The following CTNNBL1 variants were observed in gnomAD, a reference collection of about 807,000 sequenced individuals.
CTNNBL1 encodes the protein catenin beta like 1, also known as beta-catenin-like protein 1.
A neutral mutation model predicts 72.7 loss-of-function variants in CTNNBL1; 31 were observed. That is an observed-to-expected ratio of 0.43 (90% confidence interval 0.32 to 0.58). The LOEUF is 0.58. Ranked by LOEUF, CTNNBL1 falls within the 20% of genes least tolerant of loss-of-function variation. CTNNBL1 has a pLI of 0.08. For missense variants in CTNNBL1, 534 were observed against 725.1 expected (o/e 0.74, Z 3.03); for synonymous variants, 240 against 267.3 (o/e 0.90, Z 1.00).
At chr20:37,709,062 G>T (rs2072914663) in intron 1 of CTNNBL1, among the ~76,000 whole-genome samples, 1 of 152,082 alleles carries the variant, frequency 6.6e-6, no homozygotes, top group Non-Finnish European at 1.5e-5. Context: ...GCTTGAACCT[G>T]GGAGGTGGAG....
chr20:37,789,305 T>G (rs1263235709), intron 10 of CTNNBL1, among the ~76,000 whole-genome samples: 2 of 152,166 alleles, frequency 1.3e-5, no homozygotes, highest in Admixed American at 1.3e-4. Context: ...CTTCTTTCAG[T>G]TGGATAGTCA....
intron 13 of CTNNBL1, among the ~76,000 whole-genome samples, chr20:37,850,904 T>C (rs2072390734): frequency 6.6e-6 from 1 of 152,214 alleles, no homozygotes; most frequent in South Asian, 2.1e-4. Flanking sequence ...CTGTCTCCTT[T>C]TATCAGCAAG....
At chr20:37,730,148 T>C (rs886853379) in intron 1 of CTNNBL1, among the ~76,000 whole-genome samples, 4 of 152,182 alleles carry the variant, frequency 2.6e-5, no homozygotes, top group African/African-American at 4.8e-5. Flanking sequence ...AGAGTACTGT[T>C]CAATACAAGT....
intron 11 of CTNNBL1, among the ~76,000 whole-genome samples, chr20:37,808,642 T>C (rs1193763734): frequency 6.6e-6 from 1 of 152,172 alleles, no homozygotes; most frequent in Admixed American, 6.5e-5. Flanking sequence ...AGATTGGCAG[T>C]GTCTTCCCCT....
chr20:37,793,747 T>G (rs1166744676), intron 10 of CTNNBL1, among the ~76,000 whole-genome samples: 1 of 152,220 alleles, frequency 6.6e-6, no homozygotes, highest in African/African-American at 2.4e-5. Context: ...TATACATTGT[T>G]GTTTTTGTTT....
chr20:37,842,469 G>T (rs958835510), intron 13 of CTNNBL1, 50 bp downstream of exon 13: 2 of 1,328,910 alleles, frequency 1.5e-6, no homozygotes, highest in East Asian at 2.3e-5. Context: ...CCCTCCGTTT[G>T]GGTCCCTTGT....
Position 37,842,377 on chromosome 20 carries a change from T to A in CTNNBL1, c.1350T>A (p.Gly450=). Reference sequence around the variant, plus strand: ...TGGAGTTGCATTTTAAATATCTGGGTGCAATGCAGGTGGCGGACAAGAAGA... The same window carrying A: ...TGGAGTTGCATTTTAAATATCTGGGAGCAATGCAGGTGGCGGACAAGAAGA... The part of the protein sequence containing the change: ...RLMELHFKYL[G]AMQVADKKIE... Residue 450 remains glycine (G), a synonymous_variant, in exon 13 of 16, where the codon GGT becomes GGA. Transcript: ENST00000361383. 1 of 1,613,964 alleles carries A rather than the reference T, an allele frequency of 6.2e-7. No individual in the cohort carries two copies. Among genetic ancestry groups the A allele is most frequent in the Non-Finnish European group, 8.5e-7 (1 of 1,179,832 alleles).
chr20:37,853,863 T>G (rs925483730), intron 13 of CTNNBL1, among the ~76,000 whole-genome samples: 3 of 152,218 alleles, frequency 2.0e-5, no homozygotes, highest in Admixed American at 1.3e-4. Flanking sequence ...TGCCACAGAG[T>G]TGTAACAGGC....
At chr20:37,793,028 A>G (rs2073739253) in intron 10 of CTNNBL1, among the ~76,000 whole-genome samples, 1 of 152,208 alleles carries the variant, frequency 6.6e-6, no homozygotes, top group African/African-American at 2.4e-5. Context: ...AGCCTTTCAA[A>G]ATTTATTAAG....
intron 1 of CTNNBL1, among the ~76,000 whole-genome samples, chr20:37,720,041 T>C (rs572514556): frequency 2.0e-5 from 3 of 152,036 alleles, no homozygotes; most frequent in East Asian, 3.9e-4. Context: ...TATTTATTTA[T>C]TTTTGAGACA....
In CTNNBL1 at chr20:37,780,174, A is replaced by G. The variant is rs531972298; in HGVS notation, c.1031+839A>G. Among the ~76,000 whole-genome samples the G allele has an allele frequency of 5.9e-5, 9 of 152,102 alleles. No homozygotes were observed. The South Asian group carries it at 1.9e-3, about 32-fold the overall frequency. On this transcript the variant is annotated intron_variant, in intron 10 of 15. Coordinates refer to ENST00000361383, the MANE Select transcript of CTNNBL1 (RefSeq NM_030877.5). ...TTTAAAAAAAAAAAAAACAAGAAAA[A>G]AAGAAATGGAGCCAGAGTCTGCTGT...
chr20:37,756,751 C>T (rs1442311133), intron 4 of CTNNBL1, among the ~76,000 whole-genome samples: 1 of 151,524 alleles, frequency 6.6e-6, no homozygotes, highest in Non-Finnish European at 1.5e-5. Context: ...AAGCCTCCCA[C>T]CTTAGCCTCC....
intron 7 of CTNNBL1, among the ~76,000 whole-genome samples, chr20:37,769,495 A>G (rs1251163410): frequency 6.6e-6 from 1 of 152,108 alleles, no homozygotes; most frequent in African/African-American, 2.4e-5. Context: ...AGCCATTTGT[A>G]TTCATGTCTT....
chr20:37,795,630 T>G (rs569833453), intron 10 of CTNNBL1, among the ~76,000 whole-genome samples: 2 of 152,354 alleles, frequency 1.3e-5, no homozygotes, highest in East Asian at 3.9e-4. Context: ...GTTAATCTCA[T>G]CTACTGTATT....
intron 13 of CTNNBL1, among the ~76,000 whole-genome samples, chr20:37,844,149 G>A (rs2072327792): frequency 6.6e-6 from 1 of 152,120 alleles, no homozygotes; most frequent in Non-Finnish European, 1.5e-5. Flanking sequence ...CTGGACTTTT[G>A]TAAGGAAAAA....
At chr20:37,854,259 A>G (rs1483884109) in intron 13 of CTNNBL1, among the ~76,000 whole-genome samples, 2 of 152,216 alleles carry the variant, frequency 1.3e-5, no homozygotes, top group African/African-American at 4.8e-5. Flanking sequence ...AGAAGATCAG[A>G]TGATGGAGAA....
intron 15 of CTNNBL1, among the ~76,000 whole-genome samples, chr20:37,870,592 C>T (rs577576991): frequency 3.3e-5 from 5 of 152,218 alleles, no homozygotes; most frequent in Non-Finnish European, 7.3e-5. Flanking sequence ...GTCGCCTCAC[C>T]TCCACCGCTA....
At chr20:37,709,294 A>G (rs1374692068) in intron 1 of CTNNBL1, among the ~76,000 whole-genome samples, 1 of 152,190 alleles carries the variant, frequency 6.6e-6, no homozygotes. Context: ...CATGTTTGGC[A>G]TTATTCATGT....
intron 3 of CTNNBL1, among the ~76,000 whole-genome samples, chr20:37,742,322 A>G (rs1461904160): frequency 1.3e-5 from 2 of 152,122 alleles, no homozygotes. Context: ...CTGTGCCCCC[A>G]TTTACAGGCA....
Sources: allele counts gnomAD v4.1 joint callset (sites outside exome capture counted in the v4.1 genomes callset), GRCh38; gene constraint gnomAD v4.1.1; transcripts MANE v1.5; gene names NCBI Gene and HGNC (gene_info 2026-07-23, HGNC 2026-07-21).